CCDC33: variants seen among roughly 807,000 people sequenced by gnomAD.
CCDC33 encodes coiled-coil domain containing 33, also known as coiled-coil domain-containing protein 33.
In CCDC33, 94 loss-of-function variants were observed where a neutral mutation model predicts 91.9. That is an observed-to-expected ratio of 1.02 (90% CI 0.87 to 1.21). The LOEUF is 1.21. CCDC33 is among the 50% of genes most tolerant of loss of function. The probability of loss-of-function intolerance (pLI) is 0.00; values close to 1 mark genes in which losing one functional copy is unlikely to be tolerated. For synonymous variants in CCDC33, 396 were observed against 374.5 expected, an observed-to-expected ratio of 1.06 and a Z score of -0.66; for missense variants, 940 against 935.5, an observed-to-expected ratio of 1.00 and a Z score of -0.06.
rs1485363408 is a variant in CCDC33 at position 74,207,713 on chromosome 15, C to T, written n.90-1675C>T. ...TGTGCCCACCTGTGCAGCCCAGTCC[C>T]CTTGAGAGTCCATGAATAAGCAGCC... On this transcript the variant is annotated intron_variant and non_coding_transcript_variant, in intron 1 of 3. Transcript: ENST00000558645. 16 of 1,535,594 alleles carry T rather than the reference C, an allele frequency of 1.0e-5. No individual in the cohort carries two copies. The East Asian group carries it at 2.7e-4, about 26-fold the overall frequency.
At chr15:74,331,657 A>G (rs2060441629) in intron 15 of CCDC33, among the ~76,000 whole-genome samples, 2 of 152,258 alleles carry the variant, frequency 1.3e-5, no homozygotes, top group Admixed American at 1.3e-4. Flanking sequence ...TCCTAGCCCC[A>G]GGATCCGTCG....
At chr15:74,246,446 A>G (rs2075531751) in intron 2 of CCDC33, among the ~76,000 whole-genome samples, 1 of 152,272 alleles carries the variant, frequency 6.6e-6, no homozygotes, top group Admixed American at 6.5e-5. Flanking sequence ...TATCCAAAAT[A>G]TATGAGTAAC....
intron 11 of CCDC33, among the ~76,000 whole-genome samples, chr15:74,317,887 GTT>G (rs71137385): frequency 9.1e-6 from 1 of 110,490 alleles, no homozygotes; most frequent in African/African-American, 3.5e-5. Context: ...GTTTGGGTTT[GTT>G]TTTTTTTTTT....
At chr15:74,235,019 C>T (rs544822385), upstream of CCDC33, among the ~76,000 whole-genome samples, 10 of 152,188 alleles carry the variant, frequency 6.6e-5, no homozygotes, top group African/African-American at 1.9e-4. Flanking sequence ...GGGGGAGATG[C>T]GCTCTAGAGA....
chr15:74,325,771 ACTT>A (rs1246646261), intron 11 of CCDC33, among the ~76,000 whole-genome samples: 2 of 152,116 alleles, frequency 1.3e-5, no homozygotes, highest in African/African-American at 2.4e-5. Flanking sequence ...TGCCAGAAGC[ACTT>A]CTTATTTTTT....
intron 11 of CCDC33, chr15:74,300,204 T>C (rs1357130534): frequency 6.6e-6 from 1 of 152,190 alleles, no homozygotes; most frequent in African/African-American, 2.4e-5. Context: ...TGAGGCACAG[T>C]GACAAGCAAT....
rs372484734 is a variant in CCDC33, at chr15:74,271,682, C to T, written c.547-21C>T. The T allele has an allele frequency of 2.5e-6, 4 of 1,593,764 alleles. No individual in the cohort carries two copies. In the African/African-American group the frequency reaches 5.4e-5, roughly 21 times the overall value. On this transcript the variant is annotated intron_variant, in intron 5 of 18. Coordinates refer to ENST00000398814, the MANE Select transcript of CCDC33 (RefSeq NM_025055.5). ...CCAAGGCCACATGGTGTTCACCTGC[C>T]TCCTCTCCTCTCCTCTCCAGATCTT...
intron 11 of CCDC33, among the ~76,000 whole-genome samples, chr15:74,315,209 G>C (rs2060067845): frequency 1.3e-5 from 2 of 152,230 alleles, no homozygotes; most frequent in Admixed American, 1.3e-4. Flanking sequence ...AGCTCGAGTT[G>C]CGGGGAGGCC....
intron 11 of CCDC33, among the ~76,000 whole-genome samples, chr15:74,328,046 A>G (rs575275786): frequency 6.6e-6 from 1 of 152,190 alleles, no homozygotes; most frequent in East Asian, 1.9e-4. Flanking sequence ...AGCCAAGAAA[A>G]CCCATTTGGA....
At position 74,239,356 on chromosome 15, in the gene CCDC33, C is replaced by T. The variant is rs2075276760; in HGVS notation, c.21+2616C>T. Among the ~76,000 whole-genome samples the T allele has an allele frequency of 4.6e-5, 7 of 152,280 alleles. 1 individual carries two copies. The South Asian group carries it at 1.5e-3, about 32-fold the overall frequency. ...CAAGGACCATTAACTCCCTGTTGTT[C>T]CTACCTCCTCCTCTCACCCTAGCCC... On this transcript the variant is annotated intron_variant, in intron 1 of 18. Transcript: ENST00000398814.
intron 2 of CCDC33, among the ~76,000 whole-genome samples, chr15:74,251,587 G>A (rs932032959): frequency 5.5e-4 from 84 of 152,258 alleles, no homozygotes; most frequent in Admixed American, 5.2e-3. Context: ...AGGGGAAGGC[G>A]CTGCTTCCTC....
At chr15:74,216,539 T>TA (rs1175710009), upstream of CCDC33, among the ~76,000 whole-genome samples, 41 of 890 alleles carry the variant, frequency 0.046, 2 homozygotes, top group South Asian at 0.54. Context: ...CCAATACCAC[T>TA]TTTTTTTTTT....
intron 2 of CCDC33, among the ~76,000 whole-genome samples, chr15:74,228,670 G>A (rs185258402): frequency 2.6e-5 from 4 of 152,360 alleles, no homozygotes; most frequent in Non-Finnish European, 5.9e-5. Context: ...ATGGGCATGG[G>A]AGCGAGGAGG....
At position 74,236,378 on chromosome 15, in the gene CCDC33, C is replaced by T. The variant is rs1358953383; in HGVS notation, c.-342C>T. 2 of 292,136 alleles carry T rather than the reference C, an allele frequency of 6.8e-6. No homozygotes were observed. The highest frequency in any genetic ancestry group is 5.8e-5 in the East Asian group (1 of 17,270). 18.1% of individuals were successfully genotyped at this position (292,136 alleles called of 1,614,324 possible). On this transcript the variant is annotated 5_prime_UTR_variant, in exon 1 of 19. Coordinates refer to ENST00000398814, the MANE Select transcript of CCDC33 (RefSeq NM_025055.5). ...GGGCCCCCCTGCCCCATCTCTCCACCGTCCTAGGTGTGCCAAGAGTCAATT... is the reference window on the plus strand; with the variant it reads ...GGGCCCCCCTGCCCCATCTCTCCACTGTCCTAGGTGTGCCAAGAGTCAATT...
chr15:74,249,363 C>T (rs1055205759), intron 2 of CCDC33, among the ~76,000 whole-genome samples: 3 of 152,016 alleles, frequency 2.0e-5, no homozygotes, highest in African/African-American at 7.3e-5. Context: ...TGGCGGGTGC[C>T]TGTAGTCCCA....
intron 4 of CCDC33, among the ~76,000 whole-genome samples, chr15:74,267,482 C>A (rs1481854373): frequency 3.3e-5 from 5 of 152,326 alleles, no homozygotes; most frequent in African/African-American, 1.2e-4. Context: ...AGACCCCTGC[C>A]TGTCCTCCCT....
chr15:74,326,639 G>A (rs1249904092), intron 11 of CCDC33, among the ~76,000 whole-genome samples: 3 of 152,264 alleles, frequency 2.0e-5, no homozygotes, highest in African/African-American at 7.2e-5. Context: ...CTTGGATGGG[G>A]AAAGCGCAGT....
rs1195925854 is a variant in CCDC33 at position 74,279,666 on chromosome 15, A to G, written c.760-297A>G. ...GTTCTCCTGCCTCAGCCTCCTGGGT[A>G]GCTGGGATTACAGGAGTCCCCCACC... On this transcript the variant is annotated intron_variant, in intron 7 of 18. Coordinates refer to ENST00000398814, the MANE Select transcript of CCDC33 (RefSeq NM_025055.5). Among the ~76,000 whole-genome samples, 3 of 152,060 alleles carry G rather than the reference A, an allele frequency of 2.0e-5. No homozygotes were observed. In the East Asian group the frequency reaches 5.8e-4, roughly 29 times the overall value.
Position 74,217,298 on chromosome 15 carries a change from G to A in CCDC33, c.27G>A (p.Trp9Ter). 1 of 1,284,072 alleles carries A rather than the reference G, an allele frequency of 7.8e-7. No homozygotes were observed. Among genetic ancestry groups the A allele is most frequent in the Non-Finnish European group, 1.0e-6 (1 of 985,870 alleles). The allele number at this position is 1,284,072 out of a possible 1,614,324, so 79.5% of individuals were successfully genotyped here. A position where few individuals can be genotyped will look rare whatever the true frequency, so the allele number is the denominator to read the frequency against. Residue 9 changes from tryptophan to a stop codon, truncating the protein, a stop_gained, in exon 1 of 3, where the codon TGG (tryptophan) becomes TGA (stop). Transcript: ENST00000635913. LOFTEE classifies it high-confidence loss of function. ...TGGCATTCAGGGGGCCTGAACCCTG[G>A]GTCTCTGCATCCCTGCTGAGACAGA...
Sources: allele counts gnomAD v4.1 joint callset (sites outside exome capture counted in the v4.1 genomes callset), GRCh38; gene constraint gnomAD v4.1.1; transcripts MANE v1.5; gene names NCBI Gene and HGNC (gene_info 2026-07-23, HGNC 2026-07-21).